Variants in ATP13A3 observed in about 807,000 individuals in gnomAD.
The protein encoded by ATP13A3 is ATPase 13A3.
A neutral mutation model predicts 158.1 loss-of-function variants in ATP13A3; 59 were observed. The observed-to-expected ratio is 0.37, with a 90% confidence interval of 0.30 to 0.46. The LOEUF (loss-of-function observed/expected upper bound fraction) is 0.46, where lower values mean the gene tolerates loss of function less well. ATP13A3 is among the 20% of genes least tolerant of loss of function. The probability of loss-of-function intolerance (pLI) is 1.00; values close to 1 mark genes in which losing one functional copy is unlikely to be tolerated. For missense variants in ATP13A3, 1,166 were observed against 1,525.2 expected (o/e 0.76, Z 3.92); for synonymous variants, 491 against 504.3 (o/e 0.97, Z 0.35).
chr3:194,419,583 T>C (rs1337042822), intron 31 of ATP13A3, among the ~76,000 whole-genome samples: 1 of 152,052 alleles, frequency 6.6e-6, no homozygotes, highest in Non-Finnish European at 1.5e-5. Context: ...ACTCAAGAAG[T>C]AGACTGGTAG....
At chr3:194,418,247 T>C (rs1488262143) in intron 31 of ATP13A3, among the ~76,000 whole-genome samples, 1 of 152,080 alleles carries the variant, frequency 6.6e-6, no homozygotes, top group African/African-American at 2.4e-5. Flanking sequence ...CTTTATAACT[T>C]TGAGATGGAC....
chr3:194,425,371 T>C lies in ATP13A3; in HGVS notation c.3284A>G (p.Lys1095Arg). ...TTTGTAGCAAGGTTGCCTGAAGGGT[T>C]TTCCTTTTGAAAAGGCAATTGCCAC... ...LIVAIAFSKG[K>R]PFRQPCYKNY... The change falls in exon 30 of 34, where the codon AAA becomes AGA. Residue 1095 changes from lysine to arginine, a missense_variant. Physicochemically the swap from Lys to Arg is conservative, Grantham distance 26. Around this residue, in one of 3 missense-constraint regions of ATP13A3, gnomAD observed 997 missense variants for 1,341.2 expected, o/e 0.74. Transcript: ENST00000645319. The C allele has an allele frequency of 6.2e-7, 1 of 1,612,758 alleles. No individual in the cohort carries two copies. Among genetic ancestry groups the C allele is most frequent in the South Asian group, 1.1e-5 (1 of 90,474 alleles).
chr3:194,441,540 G>A, intron 15 of ATP13A3, 79 bp from the exon 16 acceptor site: 1 of 1,293,090 alleles, frequency 7.7e-7, no homozygotes, highest in Non-Finnish European at 1.1e-6. Flanking sequence ...TTCTGGTTTT[G>A]TAATTAAAAA....
At chr3:194,417,488 T>C (rs780162214) in intron 31 of ATP13A3, among the ~76,000 whole-genome samples, 1 of 147,518 alleles carries the variant, frequency 6.8e-6, no homozygotes, top group Non-Finnish European at 1.5e-5. Flanking sequence ...AAAAAGGTCA[T>C]GATGAACAAC....
intron 33 of ATP13A3, among the ~76,000 whole-genome samples, chr3:194,410,226 G>A (rs987887057): frequency 6.9e-6 from 1 of 144,278 alleles, no homozygotes; most frequent in African/African-American, 2.6e-5. Context: ...TTGGGAGGCC[G>A]AGGCAGGCAG....
chr3:194,474,590 T>G (rs559624568), intron 2 of ATP13A3, among the ~76,000 whole-genome samples: 1 of 152,284 alleles, frequency 6.6e-6, no homozygotes, highest in East Asian at 1.9e-4. Context: ...AGTTCAGAGT[T>G]AAGGTAAAGT....
At chr3:194,434,673 T>C (rs1490593019) in intron 20 of ATP13A3, among the ~76,000 whole-genome samples, 1 of 152,126 alleles carries the variant, frequency 6.6e-6, no homozygotes, top group Non-Finnish European at 1.5e-5. Context: ...TCCCACCACT[T>C]TGGGAGGCTG....
upstream of ATP13A3, chr3:194,488,069 CT>C (rs1327091899): frequency 3.3e-5 from 5 of 152,462 alleles, no homozygotes; most frequent in African/African-American, 9.6e-5. This position sits in a 1 kb window ranked among gnomAD's most constrained non-coding sequence, Gnocchi z 4.1. Context: ...ACAGCCACCC[CT>C]GGTCCCCTAG....
At chr3:194,416,229 GT>G (rs1213151334) in intron 31 of ATP13A3, among the ~76,000 whole-genome samples, 16 of 152,278 alleles carry the variant, frequency 1.1e-4, no homozygotes, top group African/African-American at 2.9e-4. Flanking sequence ...GGAGGCCACG[GT>G]GGGTGGATCG....
At chr3:194,420,821 C>T (rs1018343928) in intron 30 of ATP13A3, among the ~76,000 whole-genome samples, 1 of 151,688 alleles carries the variant, frequency 6.6e-6, no homozygotes, top group African/African-American at 2.4e-5. Flanking sequence ...AAACTTTTTT[C>T]CCCTTTTCCT....
chr3:194,444,429 A>T (rs1414844681), intron 15 of ATP13A3, among the ~76,000 whole-genome samples: 1 of 152,350 alleles, frequency 6.6e-6, no homozygotes, highest in African/African-American at 2.4e-5. Context: ...ACATATGTAC[A>T]GTATATCATT....
At chr3:194,416,752 T>C (rs1276038289) in intron 31 of ATP13A3, among the ~76,000 whole-genome samples, 1 of 152,154 alleles carries the variant, frequency 6.6e-6, no homozygotes, top group African/African-American at 2.4e-5. Flanking sequence ...TTGTAATTAC[T>C]TATATATGAT....
chr3:194,433,656 G>A (rs1717411738), intron 21 of ATP13A3, 116 bp downstream of exon 21: 1 of 1,300,788 alleles, frequency 7.7e-7, no homozygotes, highest in South Asian at 1.8e-5. Flanking sequence ...AGAGAACTTA[G>A]GTTGAAACCA....
At chr3:194,408,021 CT>C (rs778831468) in intron 33 of ATP13A3, among the ~76,000 whole-genome samples, 2,879 of 138,250 alleles carry the variant, frequency 0.021, 60 homozygotes, top group African/African-American at 0.068. Flanking sequence ...AAGCTGTCAC[CT>C]TTTTTTTTTT....
chr3:194,478,725 C>A (rs1036182405), intron 2 of ATP13A3, among the ~76,000 whole-genome samples: 2 of 152,006 alleles, frequency 1.3e-5, no homozygotes, highest in African/African-American at 2.4e-5. Context: ...GAAAGAGATC[C>A]TAGGCCAGGC....
upstream of ATP13A3, among the ~76,000 whole-genome samples, chr3:194,488,947 A>G (rs1721112911): frequency 6.6e-6 from 1 of 152,248 alleles, no homozygotes; most frequent in African/African-American, 2.4e-5. The surrounding 1 kb of genome is among the most constrained non-coding windows in gnomAD (Gnocchi z 4.1). Flanking sequence ...CTCTAGCTAG[A>G]TATCACAGAC....
At position 194,437,497 on chromosome 3, in the gene ATP13A3, A is replaced by G. The variant is rs371366034; in HGVS notation, c.1846-33T>C. ...ATTTCAAAAGAGGCACAAAGCACTT[A>G]ATATTCTTAAAGAATCAAAACAAAT... On this transcript the variant is annotated intron_variant, in intron 18 of 33. Transcript: ENST00000645319. 2.0e-4 allele frequency: 326 copies of G among 1,613,660 alleles called. 1 individual carries two copies. Among genetic ancestry groups the G allele is most frequent in the Admixed American group, 4.8e-4 (29 of 59,916 alleles).
intron 5 of ATP13A3, 22 bp from the exon 6 acceptor site, chr3:194,459,563 T>C: frequency 6.4e-7 from 1 of 1,568,420 alleles, no homozygotes; most frequent in Non-Finnish European, 8.8e-7. Context: ...AAATAAACGT[T>C]ACACCAAAAA....
chr3:194,476,914 G>C (rs1316553375), intron 2 of ATP13A3, among the ~76,000 whole-genome samples: 1 of 152,006 alleles, frequency 6.6e-6, no homozygotes, highest in Non-Finnish European at 1.5e-5. Flanking sequence ...GCCTCAACTG[G>C]GTTCCAAGGT....
Sources: gnomAD v4.1 joint callset for allele counts (sites outside exome capture counted in the v4.1 genomes callset) on GRCh38, gnomAD v4.1.1 for gene constraint, gnomAD v4.1.1 regional missense constraint, Gnocchi (gnomAD v3.1) non-coding constraint, MANE v1.5 for transcripts, NCBI Gene and HGNC (gene_info 2026-07-23, HGNC 2026-07-21) for gene names.